SNTG1: variants seen among roughly 807,000 people sequenced by gnomAD.
The protein encoded by SNTG1 is gamma-1-syntrophin.
In SNTG1, 39 loss-of-function variants were observed where a neutral mutation model predicts 74.7. That is an observed-to-expected ratio of 0.52 (90% CI 0.40 to 0.68). The LOEUF is 0.68. SNTG1 is among the 30% of genes least tolerant of loss of function. The pLI is 0.00. For synonymous variants in SNTG1, 254 were observed against 217.1 expected (o/e 1.17, Z -1.49); for missense variants, 685 against 609.5 (o/e 1.12, Z -1.30).
chr8:50,671,685 C>A (rs1303211197), intron 15 of SNTG1, among the ~76,000 whole-genome samples: 2 of 150,348 alleles, frequency 1.3e-5, no homozygotes, highest in Non-Finnish European at 3.0e-5. Flanking sequence ...CCAGCAATCC[C>A]ATTCCTAGGT....
In SNTG1 at chr8:50,510,255, G is replaced by C. The variant is rs568651955; in HGVS notation, c.466+7375G>C. Among the ~76,000 whole-genome samples the C allele has an allele frequency of 4.6e-5, 7 of 152,294 alleles. No homozygotes were observed. The East Asian group carries it at 1.4e-3, about 29-fold the overall frequency. On this transcript the variant is annotated intron_variant, in intron 9 of 18. Coordinates refer to ENST00000642720, the MANE Select transcript of SNTG1 (RefSeq NM_018967.5). ...TATGTTGAGCCAGCCTTGCATCCCA[G>C]GGATGAAGCCCACTTGATCATGTTG...
rs77579014 is a variant in SNTG1, at chr8:50,233,602, A to G, written c.-28+60967A>G. ...AAACACTAGCTTTGAAAATTCTGTT[A>G]AGAAGATGAAAGACAAGCCACAAGC... On this transcript the variant is annotated intron_variant, in intron 2 of 18. Coordinates refer to ENST00000642720, the MANE Select transcript of SNTG1 (RefSeq NM_018967.5). 1.4e-3 allele frequency among the ~76,000 whole-genome samples: 219 copies of G among 151,854 alleles called. 5 individuals are homozygous for G. The East Asian group carries it at 0.029, about 20-fold the overall frequency.
intron 2 of SNTG1, among the ~76,000 whole-genome samples, chr8:50,297,682 T>C (rs1219582364): frequency 6.6e-6 from 1 of 152,124 alleles, no homozygotes; most frequent in Non-Finnish European, 1.5e-5. Flanking sequence ...TTGGAGATTT[T>C]GTTATGCTAC....
chr8:50,113,070 T>A (rs203621), intron 1 of SNTG1, among the ~76,000 whole-genome samples: 81,898 of 151,904 alleles, frequency 0.54, 24,475 homozygotes, highest in East Asian at 0.84. Flanking sequence ...TGATTTTGAC[T>A]TGGCAATGTG....
intron 12 of SNTG1, among the ~76,000 whole-genome samples, chr8:50,566,873 C>T (rs892285763): frequency 2.0e-5 from 3 of 152,026 alleles, no homozygotes; most frequent in Admixed American, 1.3e-4. Flanking sequence ...AACTAGGTAA[C>T]TTTAAGTTAC....
rs2095698269 is a variant in SNTG1, at chr8:50,793,922, T to G, written c.*1093T>G. On this transcript the variant is annotated 3_prime_UTR_variant, in exon 19 of 19. Coordinates refer to ENST00000642720, the MANE Select transcript of SNTG1 (RefSeq NM_018967.5). Reference sequence around the variant, plus strand: ...TCCCTTGTCATGGAAAGTGATTAAGTAATGCCAACTATGCAGGTTGTTTTA... The same window carrying G: ...TCCCTTGTCATGGAAAGTGATTAAGGAATGCCAACTATGCAGGTTGTTTTA... 6.6e-6 allele frequency: 1 copy of G among 151,928 alleles called. No individual in the cohort carries two copies. The highest frequency in any genetic ancestry group is 2.4e-5 in the African/African-American group (1 of 41,404). 9.4% of individuals were successfully genotyped at this position (151,928 alleles called of 1,614,324 possible).
At chr8:50,136,926 C>G (rs757349653) in intron 1 of SNTG1, among the ~76,000 whole-genome samples, 13 of 151,978 alleles carry the variant, frequency 8.6e-5, no homozygotes, top group East Asian at 1.9e-4. Flanking sequence ...CACATTTTAA[C>G]TCTCTGTTGA....
At chr8:50,153,347 C>G (rs1357330986) in intron 1 of SNTG1, among the ~76,000 whole-genome samples, 3 of 152,114 alleles carry the variant, frequency 2.0e-5, no homozygotes, top group Non-Finnish European at 2.9e-5. Context: ...GCATTGGGTT[C>G]AAACTTCCTC....
intron 1 of SNTG1, among the ~76,000 whole-genome samples, chr8:50,129,791 T>G: frequency 6.6e-6 from 1 of 151,972 alleles, no homozygotes; most frequent in East Asian, 1.9e-4. Context: ...AAATACAGAG[T>G]AATTTCATTT....
chr8:50,779,409 G>A (rs1423540243), intron 18 of SNTG1, among the ~76,000 whole-genome samples: 3 of 152,030 alleles, frequency 2.0e-5, no homozygotes, highest in African/African-American at 7.2e-5. Flanking sequence ...TCCTTGAAGA[G>A]GTCCTTCAAG....
Position 50,264,664 on chromosome 8 carries a change from A to G in SNTG1, c.-28+92029A>G, listed in dbSNP as rs1290170786. Among the ~76,000 whole-genome samples, 8 of 151,996 alleles carry G rather than the reference A, an allele frequency of 5.3e-5. No homozygotes were observed. In the East Asian group the frequency reaches 1.5e-3, roughly 29 times the overall value. ...AGGAAATAATAAAATGGAAACACAT[A>G]AAAATATAGAAGAGAAAAATAATTA... On this transcript the variant is annotated intron_variant, in intron 2 of 18. Transcript: ENST00000642720.
At chr8:50,427,186 G>A (rs1453529651) in intron 4 of SNTG1, among the ~76,000 whole-genome samples, 1 of 152,046 alleles carries the variant, frequency 6.6e-6, no homozygotes, top group Non-Finnish European at 1.5e-5. Flanking sequence ...TTATTTCTTA[G>A]TTTTGTGGTA....
chr8:50,206,916 C>G (rs555587798), intron 2 of SNTG1, among the ~76,000 whole-genome samples: 28 of 152,190 alleles, frequency 1.8e-4, no homozygotes, highest in Non-Finnish European at 3.8e-4. Context: ...GGGATGAAGC[C>G]AACTTGATTG....
chr8:50,353,673 G>A (rs1386983500), intron 2 of SNTG1, among the ~76,000 whole-genome samples: 1 of 152,102 alleles, frequency 6.6e-6, no homozygotes, highest in East Asian at 1.9e-4. Flanking sequence ...CCTGTGTGTG[G>A]TGTGCTTTTA....
At chr8:50,215,172 C>T (rs886421103) in intron 2 of SNTG1, among the ~76,000 whole-genome samples, 3 of 151,942 alleles carry the variant, frequency 2.0e-5, no homozygotes, top group Non-Finnish European at 2.9e-5. Flanking sequence ...TAATTACAAT[C>T]GAGTGGAAGT....
chr8:49,918,101 C>A (rs1033946036), intron 1 of SNTG1, among the ~76,000 whole-genome samples: 18 of 152,072 alleles, frequency 1.2e-4, no homozygotes, highest in Admixed American at 7.2e-4. Context: ...TTTTTCCAGA[C>A]CTTTTTGTTT....
chr8:50,070,215 A>T (rs1433483236), intron 1 of SNTG1, among the ~76,000 whole-genome samples: 1 of 152,166 alleles, frequency 6.6e-6, no homozygotes, highest in Non-Finnish European at 1.5e-5. Flanking sequence ...CTTAGCTCAG[A>T]CGTGTTATTC....
chr8:50,589,512 AC>A (rs947400927), intron 12 of SNTG1, among the ~76,000 whole-genome samples: 1 of 151,668 alleles, frequency 6.6e-6, no homozygotes, highest in Non-Finnish European at 1.5e-5. Flanking sequence ...CTCAACCACT[AC>A]TTTCTATCAT....
At chr8:50,552,442 T>C (rs571288439) in intron 11 of SNTG1, among the ~76,000 whole-genome samples, 1 of 152,296 alleles carries the variant, frequency 6.6e-6, no homozygotes, top group Non-Finnish European at 1.5e-5. Flanking sequence ...TTAATGTTAA[T>C]GAAATTGGCA....
Sources: allele counts gnomAD v4.1 joint callset (sites outside exome capture counted in the v4.1 genomes callset), GRCh38; gene constraint gnomAD v4.1.1; transcripts MANE v1.5; gene names NCBI Gene and HGNC (gene_info 2026-07-23, HGNC 2026-07-21).